The following GFRA1 variants were observed in gnomAD, a reference collection of about 807,000 sequenced individuals.
The protein encoded by GFRA1 is GDNF family receptor alpha-1.
GFRA1 carries 16 observed loss-of-function variants against 51.6 expected under a neutral mutation model. That is an observed-to-expected ratio of 0.31 (90% CI 0.21 to 0.47). The LOEUF (loss-of-function observed/expected upper bound fraction) is 0.47. Among genes scored for constraint, GFRA1 ranks in the 20% least tolerant of loss-of-function variants. The pLI, the probability that GFRA1 is intolerant of heterozygous loss-of-function variation, is 1.00. For synonymous variants in GFRA1, 270 were observed against 241.3 expected, an observed-to-expected ratio of 1.12 and a Z score of -1.10; for missense variants, 530 against 594.3, an observed-to-expected ratio of 0.89 and a Z score of 1.13.
At chr10:116,134,880 T>C (rs1018428280) in intron 5 of GFRA1, among the ~76,000 whole-genome samples, 5 of 152,216 alleles carry the variant, frequency 3.3e-5, no homozygotes, top group Non-Finnish European at 4.4e-5. Flanking sequence ...CCTTAAAAAA[T>C]TGGATATCTC....
At chr10:116,095,335 T>C (rs531434724) in intron 7 of GFRA1, among the ~76,000 whole-genome samples, 6 of 152,266 alleles carry the variant, frequency 3.9e-5, no homozygotes, top group Admixed American at 3.3e-4. Context: ...GCAGCTAGAG[T>C]TGAGTTGGAG....
intron 3 of GFRA1, among the ~76,000 whole-genome samples, chr10:116,270,302 G>A (rs546662946): frequency 6.7e-4 from 102 of 152,304 alleles, no homozygotes; most frequent in African/African-American, 2.4e-3. Context: ...ATGACAAATG[G>A]ATTTTCACAC....
At chr10:116,073,107 C>T (rs1955475072) in intron 9 of GFRA1, among the ~76,000 whole-genome samples, 1 of 152,226 alleles carries the variant, frequency 6.6e-6, no homozygotes, top group African/African-American at 2.4e-5. Context: ...GAAAGAGACA[C>T]AGTCCAGTAA....
intron 9 of GFRA1, among the ~76,000 whole-genome samples, chr10:116,083,760 T>C (rs1047902886): frequency 1.3e-5 from 2 of 152,214 alleles, no homozygotes; most frequent in Non-Finnish European, 2.9e-5. Flanking sequence ...TGGCCCCATC[T>C]GGAACAAATG....
intron 4 of GFRA1, 50 bp downstream of exon 4, chr10:116,269,453 A>G (rs1232094353): frequency 9.7e-7 from 1 of 1,033,890 alleles, no homozygotes; most frequent in African/African-American, 1.6e-5. Flanking sequence ...ATGCAAGCCA[A>G]CGAATTCAAG....
At chr10:116,176,522 G>A (rs1055184353) in intron 5 of GFRA1, among the ~76,000 whole-genome samples, 4 of 151,986 alleles carry the variant, frequency 2.6e-5, no homozygotes, top group African/African-American at 9.7e-5. Context: ...CACATCAAAT[G>A]CTGCTCCCCC....
At chr10:116,188,990 C>T (rs1962999380) in intron 5 of GFRA1, among the ~76,000 whole-genome samples, 1 of 150,668 alleles carries the variant, frequency 6.6e-6, no homozygotes, top group South Asian at 2.1e-4. Flanking sequence ...CATGGTGGCT[C>T]ATGCCTCTAA....
chr10:116,132,430 T>C (rs548226618), intron 5 of GFRA1, among the ~76,000 whole-genome samples: 7 of 152,254 alleles, frequency 4.6e-5, no homozygotes, highest in East Asian at 3.9e-4. Context: ...ATATTTTTTT[T>C]CCACTGTTCT....
intron 5 of GFRA1, among the ~76,000 whole-genome samples, chr10:116,128,125 A>C (rs75043606): frequency 0.011 from 1,741 of 152,322 alleles, 89 homozygotes; most frequent in Admixed American, 0.091. Context: ...CAAACTCAAA[A>C]GGACCCATGG....
chr10:116,202,689 CTCTT>C (rs1477085443), intron 5 of GFRA1, among the ~76,000 whole-genome samples: 1 of 152,110 alleles, frequency 6.6e-6, no homozygotes, highest in Non-Finnish European at 1.5e-5. Context: ...ACATGCCACA[CTCTT>C]TTAAACCATT....
chr10:116,269,838 T>G (rs969167589), intron 3 of GFRA1, among the ~76,000 whole-genome samples: 82 of 151,986 alleles, frequency 5.4e-4, no homozygotes, highest in African/African-American at 1.9e-3. Flanking sequence ...CAGAAAACTC[T>G]CCCACTCTTT....
intron 4 of GFRA1, among the ~76,000 whole-genome samples, chr10:116,241,106 T>C (rs1003966373): frequency 1.3e-5 from 2 of 151,220 alleles, no homozygotes; most frequent in Non-Finnish European, 2.9e-5. Flanking sequence ...TTTCACATAG[T>C]GGATAATTTA....
chr10:116,125,451 G>C lies in GFRA1; in HGVS notation c.540C>G (p.Thr180=). The C allele has an allele frequency of 6.2e-7, 1 of 1,614,108 alleles. No homozygotes were observed. The highest frequency in any genetic ancestry group is 1.1e-5 in the South Asian group (1 of 91,084). The part of the protein sequence containing the change: ...YRSAYITPCT[T]SVSNDVCNRR... The stretch of plus-strand genomic sequence containing the variant: ...GGTTGCAGACATCGTTGGACACGCT[G>C]GTGGTGCACGGGGTGATGTACGCCG... The change falls in exon 6 of 11, where the codon ACC becomes ACG. Residue 180 remains threonine (T), a synonymous_variant. Transcript: ENST00000355422.
At chr10:116,266,845 A>G (rs1237697743) in intron 4 of GFRA1, among the ~76,000 whole-genome samples, 2 of 152,356 alleles carry the variant, frequency 1.3e-5, no homozygotes, top group African/African-American at 4.8e-5. Context: ...AAGGTGATGT[A>G]AGAGAACCAT....
chr10:116,176,681 C>T (rs753601704), intron 5 of GFRA1, among the ~76,000 whole-genome samples: 1 of 152,094 alleles, frequency 6.6e-6, no homozygotes, highest in Admixed American at 6.5e-5. Context: ...TATAGCAACA[C>T]AAGAATGGCC....
At chr10:116,242,471 G>A (rs1486496110) in intron 4 of GFRA1, among the ~76,000 whole-genome samples, 1 of 151,890 alleles carries the variant, frequency 6.6e-6, no homozygotes, top group African/African-American at 2.4e-5. Context: ...AGAAGAGAAG[G>A]TATCCATAAA....
chr10:116,105,962 G>T (rs1956990757), intron 6 of GFRA1, among the ~76,000 whole-genome samples: 1 of 152,186 alleles, frequency 6.6e-6, no homozygotes, highest in African/African-American at 2.4e-5. Flanking sequence ...GGATCTTGAG[G>T]TAGGGAGAGT....
At chr10:116,123,583 A>C (rs1328185695) in intron 6 of GFRA1, among the ~76,000 whole-genome samples, 2 of 152,210 alleles carry the variant, frequency 1.3e-5, no homozygotes, top group Non-Finnish European at 2.9e-5. Context: ...TCAACATCAC[A>C]GACATTATTT....
At chr10:116,068,348 G>A (rs1337468128) in intron 9 of GFRA1, among the ~76,000 whole-genome samples, 3 of 152,198 alleles carry the variant, frequency 2.0e-5, no homozygotes, top group Non-Finnish European at 4.4e-5. Flanking sequence ...AACCTGGCAC[G>A]GGCCACTGTC....
Sources: gnomAD v4.1 joint callset for allele counts (sites outside exome capture counted in the v4.1 genomes callset) on GRCh38, gnomAD v4.1.1 for gene constraint, MANE v1.5 for transcripts, NCBI Gene and HGNC (gene_info 2026-07-23, HGNC 2026-07-21) for gene names.